SORCS2: variants seen among roughly 807,000 people sequenced by gnomAD.
The protein encoded by SORCS2 is VPS10 domain-containing receptor SorCS2.
SORCS2 carries 100 observed loss-of-function variants against 141.6 expected under a neutral mutation model. The observed-to-expected ratio is 0.71, with a 90% CI of 0.60 to 0.83. The LOEUF is 0.83. Ranked by LOEUF, SORCS2 falls within the 40% of genes least tolerant of loss-of-function variation. SORCS2 has a pLI of 0.00. For missense variants in SORCS2, 1,646 were observed against 1,560.2 expected (o/e 1.05, Z -0.93); for synonymous variants, 789 against 676.9 (o/e 1.17, Z -2.57).
At chr4:7,674,530 C>A (rs1232493834) in intron 8 of SORCS2, among the ~76,000 whole-genome samples, 1 of 144,332 alleles carries the variant, frequency 6.9e-6, no homozygotes, top group South Asian at 2.3e-4. Flanking sequence ...GCTGAGATTG[C>A]GCCATTGCAC....
chr4:7,640,473 T>C (rs2108870224), intron 4 of SORCS2, among the ~76,000 whole-genome samples: 1 of 99,212 alleles, frequency 1.0e-5, no homozygotes, highest in East Asian at 1.9e-3. Flanking sequence ...CGTGTGTGTG[T>C]GTGTGAGAGA....
chr4:7,387,635 GCA>G (rs144022353), intron 1 of SORCS2, among the ~76,000 whole-genome samples: 1 of 113,146 alleles, frequency 8.8e-6, no homozygotes, highest in Non-Finnish European at 1.8e-5. Flanking sequence ...TTGCACACAC[GCA>G]CACACATGCC....
At position 7,691,169 on chromosome 4, in the gene SORCS2, G is replaced by C. The variant is rs114256591; in HGVS notation, c.1591+1581G>C. Among the ~76,000 whole-genome samples the C allele has an allele frequency of 4.8e-3, 736 of 152,348 alleles. 6 individuals are homozygous for C. The highest frequency in any genetic ancestry group is 0.017 in the African/African-American group (706 of 41,576). On this transcript the variant is annotated intron_variant, in intron 11 of 26. Transcript: ENST00000507866. ...CATCTGCCACACAGAGGGGGTGGCT[G>C]TGTGGCCAGTGGCCAAGGACCATAT...
chr4:7,537,916 G>A (rs1712262815), intron 3 of SORCS2, among the ~76,000 whole-genome samples: 2 of 152,128 alleles, frequency 1.3e-5, no homozygotes, highest in South Asian at 2.1e-4. Context: ...AGCCCAAGAG[G>A]TTGAGCCTGC....
chr4:7,661,552 G>C lies in SORCS2; in HGVS notation c.940G>C (p.Asp314His), dbSNP rs1722168553. ...TGACTTGGTCCACGTGGAAGCCCAA[G>C]ACCTCGGTGGAGGTAAGCCGGGCAG... ...DPDLVHVEAQ[D>H]LGGDFRYVTC... The change falls in exon 6 of 27, where the codon GAC (aspartate) becomes CAC (histidine). Residue 314 changes from aspartate to histidine, a missense_variant. Asp to His is a moderately conservative substitution (Grantham distance 81). Coordinates refer to ENST00000507866, the MANE Select transcript of SORCS2 (RefSeq NM_020777.3). The C allele has an allele frequency of 6.4e-7, 1 of 1,551,882 alleles. No individual in the cohort carries two copies.
chr4:7,309,053 C>A (rs917611843), intron 1 of SORCS2, among the ~76,000 whole-genome samples: 2 of 152,230 alleles, frequency 1.3e-5, no homozygotes, highest in African/African-American at 4.8e-5. Flanking sequence ...TCCTGCCCTG[C>A]ACACTGGACC....
intron 2 of SORCS2, among the ~76,000 whole-genome samples, chr4:7,485,157 C>T (rs182200728): frequency 5.0e-4 from 76 of 152,350 alleles, no homozygotes; most frequent in African/African-American, 1.5e-3. Flanking sequence ...TTCGTTTGCT[C>T]ACCTTCCAGG....
intron 2 of SORCS2, among the ~76,000 whole-genome samples, chr4:7,406,593 T>C (rs1724984582): frequency 6.6e-6 from 1 of 151,898 alleles, no homozygotes; most frequent in South Asian, 2.1e-4. Context: ...CTCTTTTTCA[T>C]TTCTGATTTT....
At chr4:7,422,942 C>G (rs1036066177) in intron 2 of SORCS2, among the ~76,000 whole-genome samples, 1 of 152,144 alleles carries the variant, frequency 6.6e-6, no homozygotes, top group African/African-American at 2.4e-5. Context: ...CTCTCCATGG[C>G]CAGATCTCTA....
chr4:7,527,005 A>G (rs1733735154), intron 2 of SORCS2, among the ~76,000 whole-genome samples: 1 of 152,236 alleles, frequency 6.6e-6, no homozygotes, highest in Admixed American at 6.5e-5. Context: ...GGGCATCTCC[A>G]TTCGAATGAA....
intron 3 of SORCS2, among the ~76,000 whole-genome samples, chr4:7,632,167 G>A (rs762868089): frequency 1.3e-5 from 2 of 152,184 alleles, no homozygotes; most frequent in Non-Finnish European, 2.9e-5. Flanking sequence ...CTGACCATTT[G>A]CTGGTCCCCG....
intron 2 of SORCS2, among the ~76,000 whole-genome samples, chr4:7,501,521 C>CCG (rs58630398): frequency 6.6e-6 from 1 of 151,924 alleles, no homozygotes; most frequent in East Asian, 1.9e-4. Context: ...GCGCTGGTAA[C>CCG]AGAATGGGCC....
chr4:7,357,624 G>A (rs75970253), intron 1 of SORCS2, among the ~76,000 whole-genome samples: 2,273 of 152,344 alleles, frequency 0.015, 28 homozygotes, highest in Middle Eastern at 0.031. Context: ...AGGCTTTTAG[G>A]AAGATTACGT....
intron 3 of SORCS2, among the ~76,000 whole-genome samples, chr4:7,632,379 A>G (rs1480931378): frequency 6.6e-6 from 1 of 152,204 alleles, no homozygotes; most frequent in Non-Finnish European, 1.5e-5. Flanking sequence ...CATTTAAAAT[A>G]GAGGCTGCTG....
At chr4:7,348,961 G>T (rs1720789391) in intron 1 of SORCS2, among the ~76,000 whole-genome samples, 1 of 152,198 alleles carries the variant, frequency 6.6e-6, no homozygotes, top group Non-Finnish European at 1.5e-5. Flanking sequence ...CATGATAGCA[G>T]CATTCTCCTT....
intron 2 of SORCS2, chr4:7,433,736 C>A: frequency 6.2e-7 from 1 of 1,613,278 alleles, no homozygotes. Flanking sequence ...GGGGACGGCA[C>A]GATGGCATAG....
chr4:7,312,249 T>A (rs1718232029), intron 1 of SORCS2, among the ~76,000 whole-genome samples: 1 of 152,214 alleles, frequency 6.6e-6, no homozygotes, highest in South Asian at 2.1e-4. Context: ...TTTATCAGTG[T>A]TTTTGTCTGT....
chr4:7,647,290 C>G (rs1359114735), intron 4 of SORCS2, among the ~76,000 whole-genome samples: 1 of 152,190 alleles, frequency 6.6e-6, no homozygotes, highest in African/African-American at 2.4e-5. Flanking sequence ...TGGGTGCTTT[C>G]TCCATGCATG....
rs543438106 is a variant in SORCS2 at position 7,715,038 on chromosome 4, G to C, written c.2124-145G>C. On this transcript the variant is annotated intron_variant, in intron 16 of 26. Transcript: ENST00000507866. ...GCCCATCTGGGATGGGGCTGTGGGT[G>C]TTCCTTGATGTCCTCACAGATGGGT... is the stretch of plus-strand genomic sequence containing the variant. The C allele has an allele frequency of 2.6e-4, 288 of 1,121,008 alleles. 2 individuals are homozygous for C. In the African/African-American group the frequency reaches 4.2e-3, roughly 16 times the overall value. 69.4% of individuals were successfully genotyped at this position (1,121,008 alleles called of 1,614,324 possible).
Sources: allele counts gnomAD v4.1 joint callset (sites outside exome capture counted in the v4.1 genomes callset), GRCh38; gene constraint gnomAD v4.1.1; transcripts MANE v1.5; gene names NCBI Gene and HGNC (gene_info 2026-07-23, HGNC 2026-07-21).